NOL4: variants seen among roughly 807,000 people sequenced by gnomAD.
The protein encoded by NOL4 is cancer/testis antigen 125.
Under a neutral mutation model 75.9 loss-of-function variants are expected in NOL4, and 17 were observed. The observed-to-expected ratio is 0.22, with a 90% CI of 0.15 to 0.34. The LOEUF (loss-of-function observed/expected upper bound fraction) is 0.34. NOL4 is among the 10% of genes least tolerant of loss of function. The probability of loss-of-function intolerance (pLI) is 1.00; values close to 1 mark genes in which losing one functional copy is unlikely to be tolerated. For synonymous variants in NOL4, 292 were observed against 289.9 expected (o/e 1.01, Z -0.07); for missense variants, 614 against 793.5 (o/e 0.77, Z 2.72).
chr18:34,080,234 C>T (rs1208217281), intron 5 of NOL4, among the ~76,000 whole-genome samples: 1 of 152,146 alleles, frequency 6.6e-6, no homozygotes, highest in African/African-American at 2.4e-5. Context: ...GTAGCCACTG[C>T]TAGACTCTCT....
chr18:34,058,427 C>A (rs1425540480), intron 5 of NOL4, among the ~76,000 whole-genome samples: 1 of 152,214 alleles, frequency 6.6e-6, no homozygotes, highest in African/African-American at 2.4e-5. Context: ...AGCCACTGCG[C>A]CCGGCCTCCT....
intron 4 of NOL4, among the ~76,000 whole-genome samples, chr18:34,095,040 T>A (rs1339962113): frequency 6.6e-6 from 1 of 152,140 alleles, no homozygotes; most frequent in Non-Finnish European, 1.5e-5. Context: ...TTCTGATTCT[T>A]ATATCAGGCT....
intron 10 of NOL4, among the ~76,000 whole-genome samples, chr18:33,867,563 C>T (rs564759686): frequency 1.1e-4 from 16 of 151,938 alleles, no homozygotes; most frequent in Admixed American, 8.5e-4. Flanking sequence ...TGGAGGTTTT[C>T]GTCTTATCAC....
At chr18:34,000,914 G>A (rs921300287) in intron 6 of NOL4, among the ~76,000 whole-genome samples, 11 of 152,124 alleles carry the variant, frequency 7.2e-5, no homozygotes, top group Non-Finnish European at 1.0e-4. Flanking sequence ...GACTTAGAGA[G>A]AGATGGTGAT....
chr18:34,167,614 T>C (rs1487929235), intron 1 of NOL4, among the ~76,000 whole-genome samples: 2 of 151,908 alleles, frequency 1.3e-5, no homozygotes, highest in Non-Finnish European at 2.9e-5. Flanking sequence ...AACAACCACA[T>C]TTTAAATGTA....
intron 10 of NOL4, among the ~76,000 whole-genome samples, chr18:33,860,411 G>A (rs2063055493): frequency 6.6e-6 from 1 of 152,084 alleles, no homozygotes; most frequent in Non-Finnish European, 1.5e-5. Context: ...TCTCATCTGA[G>A]ACAAGGCAAT....
intron 5 of NOL4, among the ~76,000 whole-genome samples, chr18:34,086,017 A>T (rs1568322857): frequency 6.6e-6 from 1 of 152,102 alleles, no homozygotes; most frequent in Non-Finnish European, 1.5e-5. Context: ...TCTGTAAATT[A>T]TTATACAATT....
chr18:33,896,283 C>T (rs1599783691), intron 9 of NOL4, among the ~76,000 whole-genome samples: 1 of 152,134 alleles, frequency 6.6e-6, no homozygotes, highest in Non-Finnish European at 1.5e-5. Context: ...ACATTCTTCA[C>T]ATAACTAGAA....
intron 1 of NOL4, among the ~76,000 whole-genome samples, chr18:34,143,950 T>A (rs879324200): frequency 3.3e-5 from 5 of 151,924 alleles, no homozygotes; most frequent in African/African-American, 4.8e-5. Flanking sequence ...CTGACTTATG[T>A]CATTTGCTAA....
At chr18:34,076,801 C>T (rs2077763548) in intron 5 of NOL4, among the ~76,000 whole-genome samples, 1 of 152,162 alleles carries the variant, frequency 6.6e-6, no homozygotes, top group African/African-American at 2.4e-5. Flanking sequence ...TTCCAGAATT[C>T]TTAGACACAA....
intron 5 of NOL4, among the ~76,000 whole-genome samples, chr18:34,038,747 G>C (rs1740670328): frequency 6.6e-6 from 1 of 152,012 alleles, no homozygotes; most frequent in Non-Finnish European, 1.5e-5. Flanking sequence ...GTGTTAGAAT[G>C]AGTAGGGGAA....
chr18:34,163,627 G>C (rs558699217), intron 1 of NOL4, among the ~76,000 whole-genome samples: 26 of 152,188 alleles, frequency 1.7e-4, no homozygotes, highest in African/African-American at 6.0e-4. Flanking sequence ...CATGCTCATG[G>C]GTAGGAAGAA....
intron 1 of NOL4, among the ~76,000 whole-genome samples, chr18:34,216,118 A>G (rs1361620322): frequency 1.3e-5 from 2 of 152,208 alleles, no homozygotes; most frequent in Non-Finnish European, 2.9e-5. Context: ...ACATTATGTC[A>G]CCAGAACACA....
chr18:33,951,413 C>T (rs1479381029), intron 8 of NOL4, among the ~76,000 whole-genome samples: 1 of 151,894 alleles, frequency 6.6e-6, no homozygotes. Context: ...AATTTATTTG[C>T]TCTTCTGTGG....
chr18:33,978,851 T>C (rs1301012967), intron 6 of NOL4, among the ~76,000 whole-genome samples: 2 of 151,972 alleles, frequency 1.3e-5, no homozygotes. Flanking sequence ...TTTTAAGTTT[T>C]TTAAAAAAAT....
At chr18:33,910,987 T>C (rs564633780) in intron 9 of NOL4, among the ~76,000 whole-genome samples, 15 of 152,286 alleles carry the variant, frequency 9.8e-5, no homozygotes, top group African/African-American at 3.6e-4. Context: ...TTTAACCTCC[T>C]TTCCCTTCAG....
At chr18:34,183,740 A>G (rs999882795) in intron 1 of NOL4, 2 of 151,958 alleles carry the variant, frequency 1.3e-5, no homozygotes, top group African/African-American at 4.8e-5. Context: ...TATGTTCCAC[A>G]GTTCCACTCA....
At chr18:33,913,660 G>C (rs545575121) in intron 9 of NOL4, among the ~76,000 whole-genome samples, 2 of 152,126 alleles carry the variant, frequency 1.3e-5, no homozygotes, top group South Asian at 4.2e-4. Context: ...GCATATTTTA[G>C]ACATATCCAG....
At chr18:33,892,546 A>G (rs1483184080) in intron 9 of NOL4, among the ~76,000 whole-genome samples, 2 of 152,168 alleles carry the variant, frequency 1.3e-5, no homozygotes, top group Non-Finnish European at 2.9e-5. Flanking sequence ...TGTTTTCACA[A>G]GAAGATAATA....
Sources: gnomAD v4.1 joint callset for allele counts (sites outside exome capture counted in the v4.1 genomes callset) on GRCh38, gnomAD v4.1.1 for gene constraint, MANE v1.5 for transcripts, NCBI Gene and HGNC (gene_info 2026-07-23, HGNC 2026-07-21) for gene names.